Variants in FNIP2 observed in about 807,000 individuals in gnomAD.
The protein encoded by FNIP2 is folliculin interacting protein 2.
A neutral mutation model predicts 108.7 loss-of-function variants in FNIP2; 32 were observed. That is an observed-to-expected ratio of 0.29 (90% CI 0.22 to 0.40). The LOEUF (loss-of-function observed/expected upper bound fraction) is 0.40, where lower values mean the gene tolerates loss of function less well. FNIP2 is among the 10% of genes least tolerant of loss of function. The pLI is 1.00. For synonymous variants in FNIP2, 480 were observed against 496.7 expected (o/e 0.97, Z 0.45); for missense variants, 1,202 against 1,381.6 (o/e 0.87, Z 2.06).
At chr4:158,840,722 T>G (rs1178728746) in intron 7 of FNIP2, among the ~76,000 whole-genome samples, 1 of 152,172 alleles carries the variant, frequency 6.6e-6, no homozygotes, top group Non-Finnish European at 1.5e-5. Flanking sequence ...AAGTCTTGAG[T>G]ACATGAGTAG....
chr4:158,888,142 T>G (rs1349268818), intron 14 of FNIP2, among the ~76,000 whole-genome samples: 1 of 152,270 alleles, frequency 6.6e-6, no homozygotes, highest in Admixed American at 6.5e-5. Flanking sequence ...AGTTTGTTCT[T>G]CCTTTAAAAG....
At position 158,906,821 on chromosome 4, in the gene FNIP2, C is replaced by T. The variant is rs560270313; in HGVS notation, c.*2277C>T. ...AAAGCAAAAAAGAAAAAAAAAACCT[C>T]ACAGAATTGTGTTGAGATCCACCGC... On this transcript the variant is annotated 3_prime_UTR_variant, in exon 17 of 17. Transcript: ENST00000264433. 1.1e-4 allele frequency: 17 copies of T among 152,182 alleles called. No individual in the cohort carries two copies. The highest frequency in any genetic ancestry group is 4.1e-4 in the African/African-American group (17 of 41,540). 9.4% of individuals were successfully genotyped at this position (152,182 alleles called of 1,614,324 possible).
Position 158,851,355 on chromosome 4 carries a change from A to T in FNIP2, c.762A>T (p.Pro254=). 6.2e-7 allele frequency: 1 copy of T among 1,613,914 alleles called. No homozygotes were observed. Among genetic ancestry groups the T allele is most frequent in the Non-Finnish European group, 8.5e-7 (1 of 1,179,872 alleles). Residue 254 remains proline, a synonymous_variant, in exon 8 of 17, where the codon CCA becomes CCT. Coordinates refer to ENST00000264433, the MANE Select transcript of FNIP2 (RefSeq NM_020840.3). ...GCAGTCTTTTGATCACACCTTTCCC[A>T]TCTCCAAGCTCCTCTACATCTTCTT... ...SLSSLLITPF[P]SPSSSTSSSS...
At chr4:158,842,672 C>CT (rs1223789718) in intron 7 of FNIP2, among the ~76,000 whole-genome samples, 3 of 152,044 alleles carry the variant, frequency 2.0e-5, no homozygotes, top group African/African-American at 7.2e-5. Flanking sequence ...CAAAACTGCA[C>CT]TTGTACCCCT....
At chr4:158,897,323 G>T (rs1782786053) in intron 16 of FNIP2, among the ~76,000 whole-genome samples, 1 of 152,180 alleles carries the variant, frequency 6.6e-6, no homozygotes, top group Non-Finnish European at 1.5e-5. Flanking sequence ...TGTCTTTATA[G>T]TAGAATGATT....
In FNIP2 at chr4:158,821,274, A is replaced by G. The variant is rs537938816; in HGVS notation, c.108-4642A>G. On this transcript the variant is annotated intron_variant, in intron 1 of 16. Coordinates refer to ENST00000264433, the MANE Select transcript of FNIP2 (RefSeq NM_020840.3). ...TAAAGTGGACATAAATAATACCCTG[A>G]TGCCAAGGACAGTGTTCATTCTTTA... Among the ~76,000 whole-genome samples, 40 of 152,384 alleles carry G rather than the reference A, an allele frequency of 2.6e-4. 1 individual carries two copies. In the South Asian group the frequency reaches 8.3e-3, roughly 32 times the overall value.
intron 1 of FNIP2, among the ~76,000 whole-genome samples, chr4:158,807,251 A>C (rs1275175207): frequency 1.3e-5 from 2 of 152,174 alleles, no homozygotes; most frequent in African/African-American, 4.8e-5. Flanking sequence ...TAATCCAAAC[A>C]CTTTGGGAAG....
At chr4:158,851,917 G>A (rs1259894751) in intron 8 of FNIP2, among the ~76,000 whole-genome samples, 1 of 152,176 alleles carries the variant, frequency 6.6e-6, no homozygotes, top group Admixed American at 6.5e-5. Flanking sequence ...AATAGAGATG[G>A]CATCTAGGTA....
intron 1 of FNIP2, among the ~76,000 whole-genome samples, chr4:158,796,441 C>T (rs2126464692): frequency 6.6e-6 from 1 of 152,232 alleles, no homozygotes; most frequent in Admixed American, 6.5e-5. Context: ...ATGAGTCTAT[C>T]TCAGAGTGTT....
At chr4:158,851,290 T>C (rs1288045906) in intron 7 of FNIP2, 31 bp from the exon 8 acceptor site, 3 of 1,613,366 alleles carry the variant, frequency 1.9e-6, no homozygotes, top group Admixed American at 1.7e-5. Context: ...CTAATTGACC[T>C]CAACTTTCAA....
chr4:158,891,116 G>A (rs1362437517), intron 14 of FNIP2, among the ~76,000 whole-genome samples: 2 of 152,274 alleles, frequency 1.3e-5, no homozygotes, highest in African/African-American at 4.8e-5. Flanking sequence ...TGGTAAATGA[G>A]GGTTAGAAGA....
chr4:158,779,140 A>G (rs1035045549), intron 1 of FNIP2, among the ~76,000 whole-genome samples: 1 of 152,194 alleles, frequency 6.6e-6, no homozygotes, highest in East Asian at 1.9e-4. Flanking sequence ...TTACAGCTCA[A>G]TTTGGCTGTG....
chr4:158,820,647 G>A (rs1015389672), intron 1 of FNIP2, among the ~76,000 whole-genome samples: 1 of 152,188 alleles, frequency 6.6e-6, no homozygotes, highest in Non-Finnish European at 1.5e-5. Context: ...GTCCTCAGGT[G>A]CCTTTCTAGC....
At chr4:158,799,438 A>C (rs1776690948) in intron 1 of FNIP2, among the ~76,000 whole-genome samples, 1 of 152,182 alleles carries the variant, frequency 6.6e-6, no homozygotes, top group African/African-American at 2.4e-5. Context: ...TTCTGTGATG[A>C]AGTAGGTAGA....
intron 7 of FNIP2, among the ~76,000 whole-genome samples, chr4:158,844,287 A>G (rs1479943638): frequency 6.6e-6 from 1 of 152,202 alleles, no homozygotes; most frequent in Non-Finnish European, 1.5e-5. Context: ...AGGGGGGGAA[A>G]ATAAATCCAT....
chr4:158,813,641 C>T (rs957034478), intron 1 of FNIP2, among the ~76,000 whole-genome samples: 12 of 152,172 alleles, frequency 7.9e-5, no homozygotes, highest in African/African-American at 2.9e-4. Flanking sequence ...TTCTCATTCC[C>T]TTGACAGTGT....
intron 2 of FNIP2, among the ~76,000 whole-genome samples, chr4:158,826,657 T>C (rs73858588): frequency 6.6e-6 from 1 of 152,076 alleles, no homozygotes; most frequent in African/African-American, 2.4e-5. Flanking sequence ...CGACAAGCAA[T>C]GGGTAGAGTG....
At chr4:158,775,762 T>C (rs1329313257) in intron 1 of FNIP2, among the ~76,000 whole-genome samples, 1 of 152,264 alleles carries the variant, frequency 6.6e-6, no homozygotes, top group Non-Finnish European at 1.5e-5. Flanking sequence ...CAATAAAATG[T>C]AGCCATTAAT....
chr4:158,781,441 G>A (rs142146242), intron 1 of FNIP2, among the ~76,000 whole-genome samples: 87 of 152,314 alleles, frequency 5.7e-4, no homozygotes, highest in African/African-American at 1.9e-3. Context: ...TAACCCCAAA[G>A]TGTAGATGGG....
Sources: allele counts gnomAD v4.1 joint callset (sites outside exome capture counted in the v4.1 genomes callset), GRCh38; gene constraint gnomAD v4.1.1; transcripts MANE v1.5; gene names NCBI Gene and HGNC (gene_info 2026-07-23, HGNC 2026-07-21).